DERA: variants seen among roughly 807,000 people sequenced by gnomAD.
DERA encodes 2-deoxy-D-ribose 5-phosphate aldolase.
In DERA, 15 loss-of-function variants were observed where a neutral mutation model predicts 41.1. The ratio of observed to expected loss-of-function variants is 0.37; its 90% CI spans 0.24 to 0.56. The LOEUF is 0.56. Among genes scored for constraint, DERA ranks in the 20% least tolerant of loss-of-function variants. The pLI, the probability that DERA is intolerant of heterozygous loss-of-function variation, is 0.81. For missense variants in DERA, 396 were observed against 403.4 expected, an observed-to-expected ratio of 0.98 and a Z score of 0.16; for synonymous variants, 139 against 137.4, an observed-to-expected ratio of 1.01 and a Z score of -0.08.
rs1056228522 is a variant in DERA at position 15,959,931 on chromosome 12, T to A, written c.373+7T>A. ...AATATCCCTGTGGCATCAGGTAAAA[T>A]GTGTTGTGGCTTTTGTTGTTATTTT... is the stretch of plus-strand genomic sequence containing the variant. On this transcript the variant is annotated splice_region_variant and intron_variant, in intron 4 of 8. Coordinates refer to ENST00000428559, the MANE Select transcript of DERA (RefSeq NM_015954.4). This position sits in a 1 kb window ranked among gnomAD's most constrained non-coding sequence, Gnocchi z 4.5. 3.3e-6 allele frequency: 5 copies of A among 1,534,826 alleles called. No homozygotes were observed. In the African/African-American group the frequency reaches 6.9e-5, roughly 21 times the overall value.
At chr12:16,029,290 G>A (rs1389798458) in intron 6 of DERA, among the ~76,000 whole-genome samples, 7 of 151,876 alleles carry the variant, frequency 4.6e-5, no homozygotes, top group African/African-American at 9.7e-5. Context: ...GGGCGTAGTG[G>A]CGGGCGCCTG....
At position 15,918,949 on chromosome 12, in the gene DERA, A is replaced by G. The variant is rs139905492; in HGVS notation, c.31+7535A>G. ...TCTAGTGTAATCTTCTCATTATACTATAATGGCTAAGAGTAATGTTTTCAT... is the reference window on the plus strand; with the variant it reads ...TCTAGTGTAATCTTCTCATTATACTGTAATGGCTAAGAGTAATGTTTTCAT... On this transcript the variant is annotated intron_variant, in intron 1 of 8. Transcript: ENST00000428559. The surrounding 1 kb of genome is among the most constrained non-coding windows in gnomAD (Gnocchi z 4.3). Among the ~76,000 whole-genome samples the G allele has an allele frequency of 7.2e-3, 1,096 of 152,324 alleles. 14 individuals are homozygous for G. The highest frequency in any genetic ancestry group is 0.025 in the African/African-American group (1,055 of 41,556).
intron 1 of DERA, among the ~76,000 whole-genome samples, chr12:15,914,079 G>A (rs1409925041): frequency 6.6e-6 from 1 of 152,106 alleles, no homozygotes; most frequent in Admixed American, 6.5e-5. Context: ...GTACACAGAA[G>A]GCCCTCAAAA....
rs926764457 is a variant in DERA, at chr12:15,956,614, C to T, written c.32-322C>T. 4 of 401,330 alleles carry T rather than the reference C, an allele frequency of 1.0e-5. No individual in the cohort carries two copies. In the East Asian group the frequency reaches 2.7e-4, roughly 27 times the overall value. 24.9% of individuals were successfully genotyped at this position (401,330 alleles called of 1,614,324 possible). A position where few individuals can be genotyped will look rare whatever the true frequency, so the allele number is the denominator to read the frequency against. The stretch of plus-strand genomic sequence containing the variant: ...GAGGTGAGGTACGTGGCATGGGTAA[C>T]ACACATTTCCCACGTCGTTAGACAT... On this transcript the variant is annotated intron_variant, in intron 1 of 8. Transcript: ENST00000428559.
At chr12:16,029,913 C>CTTTTTTTTTTTTTTTTTTTTTTTTTT (rs71438364) in intron 6 of DERA, among the ~76,000 whole-genome samples, 1 of 59,688 alleles carries the variant, frequency 1.7e-5, no homozygotes, top group Non-Finnish European at 2.9e-5. Context: ...TAGCCTTGGT[C>CTTTTTTTTTTTTTTTTTTTTTTTTTT]TTTTTTTTTT....
In DERA at chr12:15,918,214, G is replaced by T. The variant is rs1948215135; in HGVS notation, c.31+6800G>T. ...GCCTTCCTCATCCCGCTGGTGCTTG[G>T]TCCCCCACAGCAGGCTGCTGCCTAC... On this transcript the variant is annotated intron_variant, in intron 1 of 8. Coordinates refer to ENST00000428559, the MANE Select transcript of DERA (RefSeq NM_015954.4). This position sits in a 1 kb window ranked among gnomAD's most constrained non-coding sequence, Gnocchi z 4.3. 6.6e-6 allele frequency among the ~76,000 whole-genome samples: 1 copy of T among 152,070 alleles called. No individual in the cohort carries two copies. Among genetic ancestry groups the T allele is most frequent in the African/African-American group, 2.4e-5 (1 of 41,410 alleles).
chr12:15,958,138 GGTTT>G (rs746450504), intron 2 of DERA, 46 bp from the exon 3 acceptor site: 5 of 1,480,274 alleles, frequency 3.4e-6, no homozygotes, highest in South Asian at 1.4e-5. Flanking sequence ...GAGGTTGGTT[GGTTT>G]GTTTATTTAT....
chr12:15,966,373 C>T lies in DERA; in HGVS notation c.508+3426C>T, dbSNP rs552926120. Among the ~76,000 whole-genome samples the T allele has an allele frequency of 2.1e-4, 32 of 151,534 alleles. No homozygotes were observed. The highest frequency in any genetic ancestry group is 7.2e-4 in the Admixed American group (11 of 15,226). On this transcript the variant is annotated intron_variant, in intron 5 of 8. Coordinates refer to ENST00000428559, the MANE Select transcript of DERA (RefSeq NM_015954.4). This position sits in a 1 kb window ranked among gnomAD's most constrained non-coding sequence, Gnocchi z 5.1. ...CAGCTACTCTGGAGGCTGAGGTGAGCGAATTGCTTGAACCTGGGAGGCAGA... is the reference window on the plus strand; with the variant it reads ...CAGCTACTCTGGAGGCTGAGGTGAGTGAATTGCTTGAACCTGGGAGGCAGA...
At chr12:15,914,014 G>A (rs146591114) in intron 1 of DERA, among the ~76,000 whole-genome samples, 2,510 of 152,256 alleles carry the variant, frequency 0.016, 32 homozygotes, top group Non-Finnish European at 0.021. Context: ...TGTCACGTGG[G>A]TAGTGATCTT....
chr12:15,925,891 G>T (rs576911456), intron 1 of DERA, among the ~76,000 whole-genome samples: 2 of 135,006 alleles, frequency 1.5e-5, no homozygotes, highest in Non-Finnish European at 1.5e-5. Flanking sequence ...ACAATGGCAC[G>T]ATCTCGGCTC....
intron 6 of DERA, among the ~76,000 whole-genome samples, chr12:16,005,657 C>T (rs537501177): frequency 6.6e-6 from 1 of 152,246 alleles, no homozygotes; most frequent in African/African-American, 2.4e-5. Flanking sequence ...TCACAGTGCA[C>T]AGGCATTTAG....
intron 1 of DERA, among the ~76,000 whole-genome samples, chr12:15,930,417 A>G (rs547318642): frequency 6.6e-6 from 1 of 152,304 alleles, no homozygotes; most frequent in South Asian, 2.1e-4. Context: ...ATCCATCCCA[A>G]GTTCTTTTAT....
chr12:15,950,647 C>T (rs532762867), intron 1 of DERA, among the ~76,000 whole-genome samples: 102 of 152,300 alleles, frequency 6.7e-4, no homozygotes, highest in Non-Finnish European at 1.2e-3. Context: ...CACTGTTTCC[C>T]TATATGATGG....
At chr12:16,007,958 C>T (rs1309528746) in intron 6 of DERA, among the ~76,000 whole-genome samples, 1 of 152,214 alleles carries the variant, frequency 6.6e-6, no homozygotes, top group Non-Finnish European at 1.5e-5. Flanking sequence ...TCAAGCGATT[C>T]TCATGCCTCA....
intron 1 of DERA, among the ~76,000 whole-genome samples, chr12:15,937,489 G>A (rs998927201): frequency 5.9e-5 from 9 of 152,156 alleles, no homozygotes; most frequent in Non-Finnish European, 1.3e-4. Context: ...TGACCTGCAT[G>A]TCCTGTATGA....
In DERA at chr12:15,931,503, G is replaced by A. The variant is rs1465168150; in HGVS notation, c.31+20089G>A. On this transcript the variant is annotated intron_variant, in intron 1 of 8. Coordinates refer to ENST00000428559, the MANE Select transcript of DERA (RefSeq NM_015954.4). The surrounding 1 kb of genome is among the most constrained non-coding windows in gnomAD (Gnocchi z 4.6). ...CTCTGTAAGTTAGGCACATTTAGGT[G>A]CTTGACAAAACTGTCATCAGAAGTT... Among the ~76,000 whole-genome samples, 3 of 152,172 alleles carry A rather than the reference G, an allele frequency of 2.0e-5. No individual in the cohort carries two copies. Among genetic ancestry groups the A allele is most frequent in the Admixed American group, 1.3e-4 (2 of 15,282 alleles).
chr12:15,924,174 T>C lies in DERA; in HGVS notation c.31+12760T>C, dbSNP rs535945185. On this transcript the variant is annotated intron_variant, in intron 1 of 8. Coordinates refer to ENST00000428559, the MANE Select transcript of DERA (RefSeq NM_015954.4). This position sits in a 1 kb window ranked among gnomAD's most constrained non-coding sequence, Gnocchi z 5.0. ...TGGGTTAGGTGGCTTATGCCTGTAA[T>C]CCTAACTCTTTGGGATGCTGCAGTG... Among the ~76,000 whole-genome samples the C allele has an allele frequency of 6.6e-6, 1 of 152,350 alleles. No homozygotes were observed. Among genetic ancestry groups the C allele is most frequent in the East Asian group, 1.9e-4 (1 of 5,190 alleles).
At position 16,037,105 on chromosome 12, in the gene DERA, A is replaced by G; in HGVS notation, c.*359A>G. ...GTGTGCCCTAGCAGAGGAAAATGCAACATCTCGCAAGCGCTGCTGTAACGA... is the reference window on the plus strand; with the variant it reads ...GTGTGCCCTAGCAGAGGAAAATGCAGCATCTCGCAAGCGCTGCTGTAACGA... On this transcript the variant is annotated 3_prime_UTR_variant, in exon 9 of 9. Transcript: ENST00000428559. This position sits in a 1 kb window ranked among gnomAD's most constrained non-coding sequence, Gnocchi z 6.7. The G allele has an allele frequency of 5.3e-6, 1 of 189,804 alleles. No individual in the cohort carries two copies. The highest frequency in any genetic ancestry group is 1.1e-5 in the Non-Finnish European group (1 of 93,758). 11.8% of individuals were successfully genotyped at this position (189,804 alleles called of 1,614,324 possible).
At position 15,967,997 on chromosome 12, in the gene DERA, GAA is replaced by G. The variant is rs534910208; in HGVS notation, c.508+5053_508+5054del. Among the ~76,000 whole-genome samples, 548 of 152,174 alleles carry G rather than the reference GAA, an allele frequency of 3.6e-3. 2 individuals are homozygous for G. The highest frequency in any genetic ancestry group is 6.2e-3 in the Non-Finnish European group (419 of 68,012). ...AGGGAGGAATAGGCTTCTAAATGGG[GAA>G]AATCCCTCCAGGTGATTTTGTTCTC... On this transcript the variant is annotated intron_variant, in intron 5 of 8. Coordinates refer to ENST00000428559, the MANE Select transcript of DERA (RefSeq NM_015954.4). This position sits in a 1 kb window ranked among gnomAD's most constrained non-coding sequence, Gnocchi z 4.9.
Sources: allele counts gnomAD v4.1 joint callset (sites outside exome capture counted in the v4.1 genomes callset), GRCh38; gene constraint gnomAD v4.1.1; non-coding constraint Gnocchi (gnomAD v3.1); transcripts MANE v1.5; gene names NCBI Gene and HGNC (gene_info 2026-07-23, HGNC 2026-07-21).